Variants in GRHL2 observed in about 807,000 individuals in gnomAD.
GRHL2 encodes the protein grainyhead like transcription factor 2.
In GRHL2, 21 loss-of-function variants were observed where a neutral mutation model predicts 83.8. The observed-to-expected ratio is 0.25, with a 90% CI of 0.18 to 0.36. The LOEUF (loss-of-function observed/expected upper bound fraction) is 0.36. Among genes scored for constraint, GRHL2 ranks in the 10% least tolerant of loss-of-function variants. GRHL2 has a pLI of 1.00. For missense variants in GRHL2, 623 were observed against 781.8 expected, an observed-to-expected ratio of 0.80 and a Z score of 2.42; for synonymous variants, 280 against 278.9, an observed-to-expected ratio of 1.00 and a Z score of -0.04.
chr8:101,507,135 C>T (rs572696713), intron 1 of GRHL2, among the ~76,000 whole-genome samples: 36 of 152,252 alleles, frequency 2.4e-4, no homozygotes, highest in African/African-American at 8.2e-4. Flanking sequence ...AATTGAGATA[C>T]TCATATTTTT....
chr8:101,493,472 T>C (rs999373105), intron 1 of GRHL2, among the ~76,000 whole-genome samples: 11 of 119,694 alleles, frequency 9.2e-5, no homozygotes, highest in Admixed American at 1.8e-4. Context: ...CCGCATTGTT[T>C]GGCCACCTTC....
intron 8 of GRHL2, among the ~76,000 whole-genome samples, chr8:101,606,182 T>C (rs1320953815): frequency 6.6e-6 from 1 of 152,194 alleles, no homozygotes; most frequent in Non-Finnish European, 1.5e-5. Flanking sequence ...TTTACCAGGG[T>C]GGTAATTGGA....
At chr8:101,660,795 C>T (rs1813904399) in intron 14 of GRHL2, among the ~76,000 whole-genome samples, 1 of 152,236 alleles carries the variant, frequency 6.6e-6, no homozygotes. Context: ...CTCCGCTCCT[C>T]CCTCTGTGAG....
downstream of GRHL2, among the ~76,000 whole-genome samples, chr8:101,671,048 G>C (rs1814197089): frequency 6.6e-6 from 1 of 152,222 alleles, no homozygotes; most frequent in Non-Finnish European, 1.5e-5. Flanking sequence ...GTGGAGCCAA[G>C]ATGGCTACAT....
chr8:101,603,005 GAAAA>G (rs1342287516), intron 8 of GRHL2, among the ~76,000 whole-genome samples: 16 of 152,172 alleles, frequency 1.1e-4, no homozygotes, highest in African/African-American at 3.9e-4. Context: ...CCCCACTGTT[GAAAA>G]CAGAATGTGT....
At chr8:101,670,703 C>G (rs566449419), downstream of GRHL2, among the ~76,000 whole-genome samples, 4 of 152,312 alleles carry the variant, frequency 2.6e-5, no homozygotes, top group East Asian at 7.7e-4. Context: ...GTGGCAGCCA[C>G]GGTCCTGCTG....
chr8:101,517,911 C>CA (rs2130033045), intron 1 of GRHL2, among the ~76,000 whole-genome samples: 1 of 152,298 alleles, frequency 6.6e-6, no homozygotes, highest in Non-Finnish European at 1.5e-5. Context: ...GCAGCAGTGA[C>CA]ACCAGATAGA....
chr8:101,619,847 G>A lies in GRHL2; in HGVS notation c.1257+150G>A. ...TGGGAGTGGTAATCTTCTATTCTCA[G>A]TTCCTGTTAGATATCTAGGAAGTCT... On this transcript the variant is annotated intron_variant, in intron 9 of 15. Transcript: ENST00000646743. 4 of 546,724 alleles carry A rather than the reference G, an allele frequency of 7.3e-6. No homozygotes were observed. In the South Asian group the frequency reaches 1.0e-4, roughly 14 times the overall value. 33.9% of individuals were successfully genotyped at this position (546,724 alleles called of 1,614,324 possible).
chr8:101,624,499 A>T (rs150586190), intron 9 of GRHL2, among the ~76,000 whole-genome samples: 237 of 151,616 alleles, frequency 1.6e-3, no homozygotes, highest in African/African-American at 5.5e-3. Context: ...GACAGTTCAG[A>T]GTACACAGTA....
chr8:101,640,699 G>A (rs538307521), intron 12 of GRHL2, among the ~76,000 whole-genome samples: 29 of 152,234 alleles, frequency 1.9e-4, no homozygotes, highest in African/African-American at 5.5e-4. Context: ...TTGCAGCAAG[G>A]TCCCTTCAAG....
intron 2 of GRHL2, among the ~76,000 whole-genome samples, chr8:101,549,874 C>T (rs1306652138): frequency 5.3e-5 from 8 of 151,656 alleles, no homozygotes; most frequent in South Asian, 2.1e-4. Context: ...AGAACCCTGT[C>T]GGTAGCACAG....
intron 14 of GRHL2, among the ~76,000 whole-genome samples, chr8:101,652,600 G>GGTGTGT (rs768345168): frequency 1.3e-4 from 9 of 71,612 alleles, no homozygotes; most frequent in Admixed American, 7.6e-4. Context: ...GTGTGTGTGT[G>GGTGTGT]GTGTGTGTGT....
At chr8:101,648,918 T>G (rs1289279294) in intron 13 of GRHL2, among the ~76,000 whole-genome samples, 1 of 152,164 alleles carries the variant, frequency 6.6e-6, no homozygotes, top group Non-Finnish European at 1.5e-5. Flanking sequence ...TTTTCCTCCA[T>G]AACCCTGTGT....
intron 5 of GRHL2, 37 bp from the exon 6 acceptor site, chr8:101,573,631 G>A: frequency 6.2e-7 from 1 of 1,613,498 alleles, no homozygotes; most frequent in Non-Finnish European, 8.5e-7. Flanking sequence ...AAATGTCCAA[G>A]TGAGTGGATC....
Position 101,645,391 on chromosome 8 carries a change from G to A in GRHL2, c.1612+1166G>A, listed in dbSNP as rs144522792. Among the ~76,000 whole-genome samples the A allele has an allele frequency of 3.6e-3, 555 of 152,184 alleles. 3 individuals carry two copies. The highest frequency in any genetic ancestry group is 0.012 in the African/African-American group (506 of 41,534). On this transcript the variant is annotated intron_variant, in intron 13 of 15. Transcript: ENST00000646743. The stretch of plus-strand genomic sequence containing the variant: ...TGTGATCCGGCCGCCTTGGCCTCCC[G>A]AAGTGCTGCATGGACTTTTAATGAG...
At chr8:101,578,068 T>C (rs559481368) in intron 7 of GRHL2, among the ~76,000 whole-genome samples, 3 of 152,220 alleles carry the variant, frequency 2.0e-5, no homozygotes, top group African/African-American at 7.2e-5. Flanking sequence ...AAACTTGAGG[T>C]CCGTTCTGTA....
chr8:101,562,497 C>T (rs189233281), intron 4 of GRHL2: 35 of 289,178 alleles, frequency 1.2e-4, no homozygotes, highest in Non-Finnish European at 1.7e-4. Context: ...ATATTGAACC[C>T]GTGTGGGTCC....
chr8:101,509,385 G>T (rs149384531), intron 1 of GRHL2, among the ~76,000 whole-genome samples: 2 of 151,426 alleles, frequency 1.3e-5, no homozygotes, highest in South Asian at 4.2e-4. Flanking sequence ...CTAGAGCTGC[G>T]GGTTAAAACA....
At chr8:101,505,380 C>T (rs940621120) in intron 1 of GRHL2, among the ~76,000 whole-genome samples, 5 of 151,932 alleles carry the variant, frequency 3.3e-5, no homozygotes, top group African/African-American at 1.2e-4. Flanking sequence ...GAGTTTGAGA[C>T]CAGCCTGACC....
Sources: allele counts gnomAD v4.1 joint callset (sites outside exome capture counted in the v4.1 genomes callset), GRCh38; gene constraint gnomAD v4.1.1; transcripts MANE v1.5; gene names NCBI Gene and HGNC (gene_info 2026-07-23, HGNC 2026-07-21).